The following PARP11 variants were observed in gnomAD, a reference collection of about 807,000 sequenced individuals.
The protein encoded by PARP11 is protein mono-ADP-ribosyltransferase PARP11.
Under a neutral mutation model 42.9 loss-of-function variants are expected in PARP11, and 31 were observed. The observed-to-expected ratio is 0.72, with a 90% confidence interval of 0.54 to 0.98. PARP11 has a LOEUF of 0.98. PARP11 is among the 50% of genes least tolerant of loss of function. The pLI is 0.00. For missense variants in PARP11, 365 were observed against 413.1 expected, an observed-to-expected ratio of 0.88 and a Z score of 1.01; for synonymous variants, 137 against 127.3, an observed-to-expected ratio of 1.08 and a Z score of -0.51.
chr12:3,814,445 CTATGCCCCAA>C (rs963764244), intron 6 of PARP11, among the ~76,000 whole-genome samples: 3 of 152,166 alleles, frequency 2.0e-5, no homozygotes, highest in Admixed American at 2.0e-4. Flanking sequence ...TTATCCCATG[CTATGCCCCAA>C]TATCATAAAG....
At position 3,840,234 on chromosome 12, in the gene PARP11, G is replaced by C; in HGVS notation, c.19-10216C>G. 2 of 1,612,688 alleles carry C rather than the reference G, an allele frequency of 1.2e-6. No individual in the cohort carries two copies. The highest frequency in any genetic ancestry group is 1.7e-6 in the Non-Finnish European group (2 of 1,178,634). On this transcript the variant is annotated intron_variant, in intron 1 of 7. Transcript: ENST00000228820. This position sits in a 1 kb window ranked among gnomAD's most constrained non-coding sequence, Gnocchi z 4.4. ...CAGACGTTCAAGGAGTTCATTCTGA[G>C]AATGGACCAGTTTTGGTTGAAGAAC...
intron 1 of PARP11, among the ~76,000 whole-genome samples, chr12:3,856,886 C>T (rs145009384): frequency 6.6e-6 from 1 of 152,274 alleles, no homozygotes; most frequent in Non-Finnish European, 1.5e-5. Flanking sequence ...CCCAAATGTC[C>T]ATCAATGATA....
intron 1 of PARP11, among the ~76,000 whole-genome samples, chr12:3,871,423 G>A (rs1480626013): frequency 6.6e-6 from 1 of 151,956 alleles, no homozygotes; most frequent in Non-Finnish European, 1.5e-5. Flanking sequence ...ATTGTGTTAC[G>A]AATGCCTACA....
At chr12:3,844,439 A>G (rs1947958344) in intron 1 of PARP11, among the ~76,000 whole-genome samples, 1 of 152,198 alleles carries the variant, frequency 6.6e-6, no homozygotes, top group Middle Eastern at 3.2e-3. Context: ...TTTTTTTTGT[A>G]GGACTAGCTT....
chr12:3,833,844 G>C (rs1057375797), intron 1 of PARP11, among the ~76,000 whole-genome samples: 1 of 152,144 alleles, frequency 6.6e-6, no homozygotes, highest in Non-Finnish European at 1.5e-5. Context: ...CCAAAAGACA[G>C]GCAGAGGGCT....
At chr12:3,834,076 A>G (rs1255916562) in intron 1 of PARP11, among the ~76,000 whole-genome samples, 2 of 152,274 alleles carry the variant, frequency 1.3e-5, no homozygotes, top group African/African-American at 2.4e-5. Flanking sequence ...CCACCGCCCC[A>G]ACTTCCTCCC....
At position 3,840,869 on chromosome 12, in the gene PARP11, A is replaced by C; in HGVS notation, c.19-10851T>G. 2 of 1,599,672 alleles carry C rather than the reference A, an allele frequency of 1.3e-6. No homozygotes were observed. Among genetic ancestry groups the C allele is most frequent in the Non-Finnish European group, 1.7e-6 (2 of 1,166,754 alleles). On this transcript the variant is annotated intron_variant, in intron 1 of 7. Coordinates refer to ENST00000228820, the MANE Select transcript of PARP11 (RefSeq NM_020367.6). The surrounding 1 kb of genome is among the most constrained non-coding windows in gnomAD (Gnocchi z 4.4). Reference sequence around the variant, plus strand: ...CCTGCAGAACAAAAGCCAGCAGAACATGTGTCTTTGTCAAATCCAGCTCCC... The same window carrying C: ...CCTGCAGAACAAAAGCCAGCAGAACCTGTGTCTTTGTCAAATCCAGCTCCC...
chr12:3,855,131 C>T (rs1235343385), intron 1 of PARP11, among the ~76,000 whole-genome samples: 3 of 152,128 alleles, frequency 2.0e-5, no homozygotes, highest in African/African-American at 4.8e-5. Context: ...TGGAACATAA[C>T]TCAAAATAAT....
intron 1 of PARP11, chr12:3,871,986 T>G (rs548359696): frequency 6.6e-6 from 1 of 152,252 alleles, no homozygotes; most frequent in Admixed American, 6.5e-5. Context: ...ATCCCTCTCC[T>G]ACAAAGCAAG....
intron 6 of PARP11, among the ~76,000 whole-genome samples, chr12:3,818,408 T>C (rs1030359345): frequency 6.6e-6 from 1 of 152,210 alleles, no homozygotes; most frequent in African/African-American, 2.4e-5. Context: ...CTTTCTGACA[T>C]ATGTTCTCAG....
chr12:3,851,059 G>C (rs1418628905), intron 1 of PARP11, among the ~76,000 whole-genome samples: 1 of 152,202 alleles, frequency 6.6e-6, no homozygotes, highest in Admixed American at 6.5e-5. Context: ...AGATCATGAT[G>C]AACTGAAAAT....
intron 6 of PARP11, among the ~76,000 whole-genome samples, chr12:3,821,234 T>C (rs1019448962): frequency 6.6e-6 from 1 of 152,214 alleles, no homozygotes; most frequent in African/African-American, 2.4e-5. Flanking sequence ...CAAATGTTAA[T>C]TGAAAATATT....
intron 1 of PARP11, among the ~76,000 whole-genome samples, chr12:3,851,625 G>C (rs1948096468): frequency 6.6e-6 from 1 of 152,196 alleles, no homozygotes; most frequent in South Asian, 2.1e-4. Flanking sequence ...ACTGGGTGGA[G>C]CCCACCGCAA....
rs1050753442 is a variant in PARP11 at position 3,816,795 on chromosome 12, G to A, written c.549-2607C>T. Among the ~76,000 whole-genome samples the A allele has an allele frequency of 2.2e-4, 34 of 152,152 alleles. 1 individual carries two copies. The highest frequency in any genetic ancestry group is 3.5e-4 in the Non-Finnish European group (24 of 68,026). ...CACACACCTGTAATCCCAGCTACTT[G>A]GGAGGCTGAGGCAGGAGAATTACTT... On this transcript the variant is annotated intron_variant, in intron 6 of 7. Transcript: ENST00000228820.
chr12:3,821,911 C>A lies in PARP11; in HGVS notation c.510G>T (p.Gln170His). The A allele has an allele frequency of 1.9e-6, 3 of 1,608,768 alleles. No individual in the cohort carries two copies. The South Asian group carries it at 3.3e-5, about 18-fold the overall frequency. The change falls in exon 6 of 8, where the codon CAG (glutamine) becomes CAT (histidine). Residue 170 changes from glutamine to histidine, a missense_variant. Coordinates refer to ENST00000228820, the MANE Select transcript of PARP11 (RefSeq NM_020367.6). ...TMDRNRIKRIQRIQNLDLWEF... is the reference protein window; with the variant it reads ...TMDRNRIKRIHRIQNLDLWEF... ...CCCACAAATCTAGGTTTTGAATTCT[C>A]TGAATTCTTTTAATTCGGTTGCGAT...
chr12:3,859,291 G>C (rs1221873413), intron 1 of PARP11, among the ~76,000 whole-genome samples: 1 of 152,032 alleles, frequency 6.6e-6, no homozygotes, highest in African/African-American at 2.4e-5. Context: ...GTAGGCCGGT[G>C]CAGTGGCTCA....
rs183713816 is a variant in PARP11 at position 3,846,059 on chromosome 12, T to C, written c.19-16041A>G. Among the ~76,000 whole-genome samples the C allele has an allele frequency of 2.0e-5, 3 of 152,244 alleles. No homozygotes were observed. In the East Asian group the frequency reaches 5.8e-4, roughly 29 times the overall value. ...TGTGATGTTACTTGTAAAAAAAGTA[T>C]ATATACGTATCTTTTGAAGTGTTAA... On this transcript the variant is annotated intron_variant, in intron 1 of 7. Transcript: ENST00000228820.
intron 1 of PARP11, among the ~76,000 whole-genome samples, chr12:3,871,057 A>T (rs1948469527): frequency 6.6e-6 from 1 of 152,232 alleles, no homozygotes; most frequent in South Asian, 2.1e-4. Flanking sequence ...AAGGAACCAT[A>T]ATGTGCAACT....
In PARP11 at chr12:3,861,981, C is replaced by T. The variant is rs555889931; in HGVS notation, c.18+11231G>A. ...CAGAGCTTGCAGTAGGATGAGATAG[C>T]ACCACTGCACTCCAACCTGGTTGAT... On this transcript the variant is annotated intron_variant, in intron 1 of 7. Coordinates refer to ENST00000228820, the MANE Select transcript of PARP11 (RefSeq NM_020367.6). This position sits in a 1 kb window ranked among gnomAD's most constrained non-coding sequence, Gnocchi z 4.6. Among the ~76,000 whole-genome samples, 59 of 152,188 alleles carry T rather than the reference C, an allele frequency of 3.9e-4. No homozygotes were observed. The highest frequency in any genetic ancestry group is 7.9e-4 in the Non-Finnish European group (54 of 68,022).
Sources: gnomAD v4.1 joint callset for allele counts (sites outside exome capture counted in the v4.1 genomes callset) on GRCh38, gnomAD v4.1.1 for gene constraint, Gnocchi (gnomAD v3.1) non-coding constraint, MANE v1.5 for transcripts, NCBI Gene and HGNC (gene_info 2026-07-23, HGNC 2026-07-21) for gene names.